Variants in NMNAT1 observed in about 807,000 individuals in gnomAD.
The protein encoded by NMNAT1 is nicotinamide/nicotinic acid mononucleotide adenylyltransferase 1.
A neutral mutation model predicts 16.7 loss-of-function variants in NMNAT1; 11 were observed. That is an observed-to-expected ratio of 0.66 (90% CI 0.41 to 1.09). The LOEUF is 1.09. NMNAT1 is among the 50% of genes least tolerant of loss of function. The pLI is 0.00. For synonymous variants in NMNAT1, 110 were observed against 119.8 expected (o/e 0.92, Z 0.53); for missense variants, 280 against 332.3 (o/e 0.84, Z 1.22).
At chr1:9,950,366 T>C (rs1641079189) in intron 1 of NMNAT1, among the ~76,000 whole-genome samples, 1 of 152,180 alleles carries the variant, frequency 6.6e-6, no homozygotes, top group Admixed American at 6.6e-5. Context: ...GTTGAGATTA[T>C]AGGCATGAAC....
intron 1 of NMNAT1, among the ~76,000 whole-genome samples, chr1:9,954,541 T>A (rs1641204885): frequency 6.6e-6 from 1 of 152,172 alleles, no homozygotes; most frequent in African/African-American, 2.4e-5. Flanking sequence ...GTTGCCATTG[T>A]CCTTGTTTTT....
chr1:9,975,933 G>A (rs1442447537), intron 3 of NMNAT1, among the ~76,000 whole-genome samples, 158 bp downstream of exon 3: 1 of 152,192 alleles, frequency 6.6e-6, no homozygotes, highest in Non-Finnish European at 1.5e-5. Flanking sequence ...CTACAAGACT[G>A]TAGAGCACAG....
chr1:9,971,320 T>C (rs1641682463), intron 1 of NMNAT1, among the ~76,000 whole-genome samples: 1 of 151,986 alleles, frequency 6.6e-6, no homozygotes, highest in Non-Finnish European at 1.5e-5. Context: ...AAGCCAATTT[T>C]TTTTTTCTTT....
chr1:9,985,989 A>G (rs1365100376), downstream of NMNAT1, among the ~76,000 whole-genome samples: 1 of 152,104 alleles, frequency 6.6e-6, no homozygotes, highest in East Asian at 1.9e-4. Flanking sequence ...GCCTGGTCCC[A>G]TTATTCTCTG....
At chr1:9,972,255 A>C in intron 2 of NMNAT1, 67 bp downstream of exon 2, 1 of 803,252 alleles carries the variant, frequency 1.2e-6, no homozygotes. Flanking sequence ...TCACACCTGC[A>C]ATCCCAGCAT....
chr1:9,993,831 T>C, the NMNAT1 span, among the ~76,000 whole-genome samples: 1 of 152,106 alleles, frequency 6.6e-6, no homozygotes, highest in South Asian at 2.1e-4. Flanking sequence ...ATTTTGTTCT[T>C]ACACTTTCTA....
chr1:9,986,656 C>T (rs1472236107), downstream of NMNAT1, among the ~76,000 whole-genome samples: 1 of 152,192 alleles, frequency 6.6e-6, no homozygotes, highest in Non-Finnish European at 1.5e-5. Context: ...TCAGAGGCAG[C>T]AGATTGTTTG....
At chr1:9,994,251 C>T in the NMNAT1 span, among the ~76,000 whole-genome samples, 1 of 150,890 alleles carries the variant, frequency 6.6e-6, no homozygotes, top group African/African-American at 2.4e-5. Flanking sequence ...GCTGAGACTA[C>T]AGACGTGTGC....
At chr1:9,949,233 C>T (rs1247737004) in intron 1 of NMNAT1, among the ~76,000 whole-genome samples, 3 of 150,710 alleles carry the variant, frequency 2.0e-5, no homozygotes, top group South Asian at 4.2e-4. Flanking sequence ...CACCACTGCA[C>T]TCCGGCCTGG....
At chr1:9,985,737 A>G (rs1454592859), downstream of NMNAT1, among the ~76,000 whole-genome samples, 2 of 152,276 alleles carry the variant, frequency 1.3e-5, no homozygotes, top group East Asian at 3.9e-4. Context: ...GTCTCGGCTC[A>G]CTGCAACCTC....
downstream of NMNAT1, among the ~76,000 whole-genome samples, chr1:9,989,467 A>AG (rs1195611558): frequency 1.3e-5 from 2 of 151,940 alleles, no homozygotes; most frequent in East Asian, 1.9e-4. Context: ...AAAAAAAAAA[A>AG]CCAAGCTCAG....
rs1641170415 is a variant in NMNAT1, at chr1:9,953,532, C to T, written c.-57+10017C>T. 2.6e-5 allele frequency among the ~76,000 whole-genome samples: 4 copies of T among 151,830 alleles called. No homozygotes were observed. The South Asian group carries it at 6.2e-4, about 24-fold the overall frequency. On this transcript the variant is annotated intron_variant, in intron 1 of 4. Transcript: ENST00000377205. ...CTCGGCTGACTGCAACCTCTGCCTC[C>T]CGGGTTCAAGTGATTCTCCTGCCTC... is the stretch of plus-strand genomic sequence containing the variant.
intron 1 of NMNAT1, among the ~76,000 whole-genome samples, chr1:9,957,137 C>T (rs894390441): frequency 2.6e-5 from 4 of 152,114 alleles, no homozygotes; most frequent in African/African-American, 7.2e-5. Context: ...TCAAGCAATT[C>T]CCCTGCCTCA....
At chr1:9,990,162 C>A (rs921510170), downstream of NMNAT1, among the ~76,000 whole-genome samples, 1 of 152,196 alleles carries the variant, frequency 6.6e-6, no homozygotes, top group African/African-American at 2.4e-5. Flanking sequence ...TAGCAGGAAG[C>A]TCAACTCAAA....
intron 1 of NMNAT1, 32 bp from the exon 2 acceptor site, chr1:9,971,986 A>G (rs991119721): frequency 5.2e-6 from 4 of 773,650 alleles, no homozygotes; most frequent in African/African-American, 1.7e-5. Flanking sequence ...AAAAAAATGC[A>G]TAACTGAATT....
At chr1:9,945,593 G>C (rs1054444426) in intron 1 of NMNAT1, among the ~76,000 whole-genome samples, 1 of 151,998 alleles carries the variant, frequency 6.6e-6, no homozygotes, top group South Asian at 2.1e-4. Flanking sequence ...CCAGCTACTC[G>C]GGAGGCTGAG....
chr1:9,961,245 C>T (rs926451457), intron 1 of NMNAT1, among the ~76,000 whole-genome samples: 1 of 152,132 alleles, frequency 6.6e-6, no homozygotes, highest in Non-Finnish European at 1.5e-5. Context: ...TTGTTCCATC[C>T]TTCCCTGAAG....
chr1:9,953,712 A>G (rs1358688916), intron 1 of NMNAT1, among the ~76,000 whole-genome samples: 2 of 148,104 alleles, frequency 1.4e-5, no homozygotes, highest in African/African-American at 5.0e-5. Flanking sequence ...AAGTGCTGGG[A>G]TTGCAGGCAT....
In NMNAT1 at chr1:9,982,670, T is replaced by G. The variant is rs1016628681; in HGVS notation, c.809T>G (p.Leu270Trp). ...AATGCTGGGGTCATCCTGGCCCCTT[T>G]GCAGAGAAACACTGCAGAAGCTAAG... is the stretch of plus-strand genomic sequence containing the variant. ...DRNAGVILAP[L>W]QRNTAEAKT The change falls in exon 5 of 5, where the codon TTG (leucine) becomes TGG (tryptophan). Residue 270 changes from leucine to tryptophan, a missense_variant. Transcript: ENST00000377205. 3 of 1,612,788 alleles carry G rather than the reference T, an allele frequency of 1.9e-6. No individual in the cohort carries two copies. The African/African-American group carries it at 4.0e-5, about 22-fold the overall frequency.
Sources: allele counts gnomAD v4.1 joint callset (sites outside exome capture counted in the v4.1 genomes callset), GRCh38; gene constraint gnomAD v4.1.1; transcripts MANE v1.5; gene names NCBI Gene and HGNC (gene_info 2026-07-23, HGNC 2026-07-21).